RNLS: variants seen among roughly 807,000 people sequenced by gnomAD.
RNLS encodes renalase, FAD dependent amine oxidase.
A neutral mutation model predicts 39.8 loss-of-function variants in RNLS; 39 were observed. The ratio of observed to expected loss-of-function variants is 0.98; its 90% CI spans 0.76 to 1.28. The LOEUF (loss-of-function observed/expected upper bound fraction) is 1.28, where lower values mean the gene tolerates loss of function less well. Among genes scored for constraint, RNLS ranks in the 50% most tolerant of loss-of-function variants. The probability of loss-of-function intolerance (pLI) is 0.00; values close to 1 mark genes in which losing one functional copy is unlikely to be tolerated. For missense variants in RNLS, 410 were observed against 413.3 expected (o/e 0.99, Z 0.07); for synonymous variants, 147 against 150.7 (o/e 0.98, Z 0.18).
intron 4 of RNLS, among the ~76,000 whole-genome samples, chr10:88,418,252 A>G (rs1358859444): frequency 1.3e-5 from 2 of 152,136 alleles, no homozygotes; most frequent in African/African-American, 4.8e-5. Context: ...TTATCCTGGT[A>G]AGTAAGGATA....
the RNLS span, among the ~76,000 whole-genome samples, chr10:88,186,316 A>G: frequency 6.6e-6 from 1 of 152,208 alleles, no homozygotes; most frequent in Non-Finnish European, 1.5e-5. Flanking sequence ...TACCCCGATT[A>G]TTTTTAAGCC....
intron 3 of RNLS, among the ~76,000 whole-genome samples, chr10:88,577,904 G>A (rs1467399812): frequency 6.6e-6 from 1 of 152,196 alleles, no homozygotes; most frequent in African/African-American, 2.4e-5. Flanking sequence ...TCTAAAGCAT[G>A]CCTGATTAGG....
intron 4 of RNLS, among the ~76,000 whole-genome samples, chr10:88,439,201 G>T (rs1258260971): frequency 6.6e-6 from 1 of 152,132 alleles, no homozygotes; most frequent in Admixed American, 6.5e-5. Flanking sequence ...GACAGTTATT[G>T]TTACTGTGGC....
At chr10:88,181,082 G>T in the RNLS span, among the ~76,000 whole-genome samples, 1 of 152,086 alleles carries the variant, frequency 6.6e-6, no homozygotes, top group Non-Finnish European at 1.5e-5. Flanking sequence ...TAGAATTAAG[G>T]TTACTCATCT....
chr10:88,266,152 G>T, the RNLS span, among the ~76,000 whole-genome samples: 1 of 152,128 alleles, frequency 6.6e-6, no homozygotes, highest in Non-Finnish European at 1.5e-5. Context: ...GGCTAGTCAC[G>T]TGATGCTAAG....
intron 4 of RNLS, among the ~76,000 whole-genome samples, chr10:88,403,615 TGAA>T (rs1273095168): frequency 1.3e-5 from 2 of 152,030 alleles, no homozygotes; most frequent in Non-Finnish European, 2.9e-5. Context: ...TGCACACACT[TGAA>T]GATTTATATA....
intron 6 of RNLS, among the ~76,000 whole-genome samples, chr10:88,314,256 G>A (rs753028502): frequency 6.6e-6 from 1 of 152,110 alleles, no homozygotes; most frequent in Non-Finnish European, 1.5e-5. Context: ...AGACAACATT[G>A]GTGGAAATTC....
chr10:88,470,512 A>G (rs1434645465), intron 4 of RNLS, among the ~76,000 whole-genome samples: 1 of 152,182 alleles, frequency 6.6e-6, no homozygotes, highest in African/African-American at 2.4e-5. Flanking sequence ...TGTTCTACAA[A>G]TTAATAAATA....
At chr10:88,257,169 C>T in the RNLS span, among the ~76,000 whole-genome samples, 2 of 152,214 alleles carry the variant, frequency 1.3e-5, no homozygotes, top group African/African-American at 2.4e-5. Flanking sequence ...ATTTACTCAA[C>T]GGAGGTTTTG....
the RNLS span, among the ~76,000 whole-genome samples, chr10:88,252,484 T>G: frequency 6.6e-6 from 1 of 152,152 alleles, no homozygotes; most frequent in Non-Finnish European, 1.5e-5. Flanking sequence ...ACGAGGTGGG[T>G]GGGCAGAGGC....
At chr10:88,175,413 G>A in the RNLS span, among the ~76,000 whole-genome samples, 1 of 152,008 alleles carries the variant, frequency 6.6e-6, no homozygotes, top group South Asian at 2.1e-4. Flanking sequence ...TACTGATTTT[G>A]CTATAACCTC....
At chr10:88,245,299 C>T in the RNLS span, among the ~76,000 whole-genome samples, 2 of 152,156 alleles carry the variant, frequency 1.3e-5, no homozygotes, top group African/African-American at 4.8e-5. Context: ...CACCATTGTT[C>T]GTTCAAAAGA....
At chr10:88,502,321 G>A (rs1476562293) in intron 4 of RNLS, among the ~76,000 whole-genome samples, 2 of 150,616 alleles carry the variant, frequency 1.3e-5, no homozygotes, top group Non-Finnish European at 3.0e-5. Flanking sequence ...GAGTTCTCCT[G>A]GGAGGTGGGC....
the RNLS span, among the ~76,000 whole-genome samples, chr10:88,242,887 C>T: frequency 4.6e-5 from 7 of 152,070 alleles, no homozygotes; most frequent in East Asian, 3.9e-4. Context: ...GTGGAGGTTG[C>T]GGTGAGCCAA....
At chr10:88,238,411 A>G in the RNLS span, among the ~76,000 whole-genome samples, 1 of 152,234 alleles carries the variant, frequency 6.6e-6, no homozygotes, top group Admixed American at 6.5e-5. Flanking sequence ...AAGAATGATT[A>G]CATTCTGCTG....
intron 5 of RNLS, among the ~76,000 whole-genome samples, chr10:88,354,157 G>A (rs1308146809): frequency 1.3e-5 from 2 of 152,164 alleles, no homozygotes; most frequent in Non-Finnish European, 2.9e-5. Context: ...GATGGGTCTT[G>A]ACTCTTTATC....
chr10:88,562,383 A>C (rs1021042926), intron 4 of RNLS, among the ~76,000 whole-genome samples: 2 of 152,194 alleles, frequency 1.3e-5, no homozygotes. Flanking sequence ...TCAGATGTTT[A>C]TCTAAAATAA....
At chr10:88,469,989 T>A (rs896826845) in intron 4 of RNLS, among the ~76,000 whole-genome samples, 6 of 151,894 alleles carry the variant, frequency 4.0e-5, no homozygotes, top group African/African-American at 1.5e-4. Context: ...TATTTATATA[T>A]AGTCTGTTTC....
At chr10:88,393,306 C>A (rs1444701186) in intron 4 of RNLS, among the ~76,000 whole-genome samples, 5 of 151,810 alleles carry the variant, frequency 3.3e-5, no homozygotes, top group Non-Finnish European at 7.4e-5. Flanking sequence ...TCGTCTCAGC[C>A]CAAAATCTCC....
Sources: gnomAD v4.1 joint callset for allele counts (sites outside exome capture counted in the v4.1 genomes callset) on GRCh38, gnomAD v4.1.1 for gene constraint, MANE v1.5 for transcripts, NCBI Gene and HGNC (gene_info 2026-07-23, HGNC 2026-07-21) for gene names.